The following EVC2 variants were observed in gnomAD, a reference collection of about 807,000 sequenced individuals.
The protein encoded by EVC2 is limbin.
EVC2 carries 148 observed loss-of-function variants against 149.3 expected under a neutral mutation model. The observed-to-expected ratio is 0.99, with a 90% CI of 0.87 to 1.14. EVC2 has a LOEUF of 1.14. EVC2 is among the 50% of genes most tolerant of loss of function. The pLI is 0.00. For missense variants in EVC2, 1,854 were observed against 1,627.3 expected (o/e 1.14, Z -2.40); for synonymous variants, 776 against 649.9 (o/e 1.19, Z -2.95).
chr4:5,579,297 T>C (rs1486376350), intron 17 of EVC2, among the ~76,000 whole-genome samples: 2 of 152,186 alleles, frequency 1.3e-5, no homozygotes, highest in African/African-American at 2.4e-5. Flanking sequence ...TTCCTAAGCC[T>C]CAGCTCTTTC....
chr4:5,691,620 C>A (rs901036693), intron 3 of EVC2, among the ~76,000 whole-genome samples: 1 of 152,144 alleles, frequency 6.6e-6, no homozygotes, highest in African/African-American at 2.4e-5. Flanking sequence ...ACTGACATAC[C>A]AGCAAGGGGG....
chr4:5,618,693 G>C lies in EVC2; in HGVS notation c.2502-11C>G, dbSNP rs748666351. 2 of 1,578,730 alleles carry C rather than the reference G, an allele frequency of 1.3e-6. No homozygotes were observed. The highest frequency in any genetic ancestry group is 2.3e-5 in the South Asian group (2 of 86,404). ...GAGGAGCAGAGCTTCCTGGGAGGAAGAACAGAGACACACTCTTAACACAGA... is the reference window on the plus strand; with the variant it reads ...GAGGAGCAGAGCTTCCTGGGAGGAACAACAGAGACACACTCTTAACACAGA... On this transcript the variant is annotated splice_polypyrimidine_tract_variant and intron_variant, in intron 14 of 21. Coordinates refer to ENST00000344408, the MANE Select transcript of EVC2 (RefSeq NM_147127.5). This position sits in a 1 kb window ranked among gnomAD's most constrained non-coding sequence, Gnocchi z 4.4.
At chr4:5,542,908 C>T in exon 23 of EVC2, 1 of 330,978 alleles carries the variant, frequency 3.0e-6, no homozygotes, top group South Asian at 2.5e-5. Flanking sequence ...GTTCCAGGGC[C>T]ACTGAAAGGA....
intron 7 of EVC2, 61 bp from the exon 8 acceptor site, chr4:5,665,710 C>T: frequency 6.3e-7 from 1 of 1,596,874 alleles, no homozygotes; most frequent in Admixed American, 1.7e-5. Flanking sequence ...TCCCAGGCCT[C>T]ACAGATGATT....
chr4:5,680,819 A>C (rs561007317), intron 7 of EVC2, among the ~76,000 whole-genome samples: 28 of 152,358 alleles, frequency 1.8e-4, no homozygotes, highest in African/African-American at 6.5e-4. Context: ...GTGAGTGAAC[A>C]TGTGAGCTGC....
chr4:5,702,421 C>T (rs1430891853), intron 1 of EVC2, among the ~76,000 whole-genome samples: 2 of 152,190 alleles, frequency 1.3e-5, no homozygotes, highest in Non-Finnish European at 2.9e-5. Flanking sequence ...TAGGACAGAG[C>T]CTGGCATCTA....
In EVC2 at chr4:5,689,030, T is replaced by G. The variant is rs566578685; in HGVS notation, c.706+127A>C. ...TTGATACCCTGATAGTAAGATCCAC[T>G]GTGAGGATTAGGAGAGTGAACATGT... On this transcript the variant is annotated intron_variant, in intron 5 of 21. Transcript: ENST00000344408. 2.3e-5 allele frequency: 23 copies of G among 1,012,302 alleles called. No homozygotes were observed. The South Asian group carries it at 2.6e-4, about 11-fold the overall frequency. The allele number at this position is 1,012,302 out of a possible 1,614,324, so 62.7% of individuals were successfully genotyped here. A position where few individuals can be genotyped will look rare whatever the true frequency, so the allele number is the denominator to read the frequency against.
intron 20 of EVC2, among the ~76,000 whole-genome samples, chr4:5,565,630 G>A (rs917942294): frequency 6.7e-5 from 10 of 148,526 alleles, no homozygotes; most frequent in Non-Finnish European, 1.5e-4. Flanking sequence ...CTGAGATCAC[G>A]CCATTGTACT....
At chr4:5,634,894 G>A (rs1280413616) in intron 10 of EVC2, among the ~76,000 whole-genome samples, 1 of 152,086 alleles carries the variant, frequency 6.6e-6, no homozygotes, top group Non-Finnish European at 1.5e-5. Flanking sequence ...TGCCTGTAGG[G>A]GCAGCCTCCA....
chr4:5,587,424 T>C (rs1712389352), intron 16 of EVC2, among the ~76,000 whole-genome samples: 1 of 152,244 alleles, frequency 6.6e-6, no homozygotes, highest in African/African-American at 2.4e-5. Flanking sequence ...CATCTACTTG[T>C]TGTATCAAAA....
chr4:5,631,568 G>GGA (rs199666307), intron 11 of EVC2, among the ~76,000 whole-genome samples: 2 of 75,574 alleles, frequency 2.6e-5, no homozygotes, highest in Non-Finnish European at 5.2e-5. Flanking sequence ...GCAGTAGACT[G>GGA]GGGGGGGGAA....
At chr4:5,664,424 G>A (rs1437570506) in intron 8 of EVC2, among the ~76,000 whole-genome samples, 1 of 152,178 alleles carries the variant, frequency 6.6e-6, no homozygotes. Flanking sequence ...TTTCCTCTGT[G>A]CAGTTCTTAT....
At chr4:5,581,717 G>A (rs981815498) in intron 17 of EVC2, among the ~76,000 whole-genome samples, 1 of 152,056 alleles carries the variant, frequency 6.6e-6, no homozygotes, top group Non-Finnish European at 1.5e-5. Context: ...ATAGCCAAGA[G>A]AATGGGAAAC....
chr4:5,540,831 A>G (rs940735019), downstream of EVC2, among the ~76,000 whole-genome samples: 1 of 152,208 alleles, frequency 6.6e-6, no homozygotes, highest in Non-Finnish European at 1.5e-5. Context: ...TTATACCTCA[A>G]TACAGTTTTT....
intron 9 of EVC2, among the ~76,000 whole-genome samples, chr4:5,661,007 T>G (rs1718842384): frequency 6.6e-6 from 1 of 152,182 alleles, no homozygotes; most frequent in Admixed American, 6.5e-5. Flanking sequence ...GTGTGCACAT[T>G]TCTAAATGTG....
intron 16 of EVC2, among the ~76,000 whole-genome samples, chr4:5,596,118 T>C (rs1320292095): frequency 2.6e-5 from 4 of 152,106 alleles, no homozygotes; most frequent in Non-Finnish European, 5.9e-5. Context: ...ACAATAACAA[T>C]GGGAGACTTT....
rs1560224758 is a variant in EVC2 at position 5,686,105 on chromosome 4, C to CAT, written c.707-627_707-626insAT. 3.3e-4 allele frequency among the ~76,000 whole-genome samples: 25 copies of CAT among 75,374 alleles called. No homozygotes were observed. The highest frequency in any genetic ancestry group is 1.8e-3 in the African/African-American group (24 of 13,448). 49.4% of individuals were successfully genotyped at this position (75,374 alleles called of 152,430 possible). ...CACACACATATATATTACACACACA[C>CAT]ACACACACACACACACACACACAGA... is the stretch of plus-strand genomic sequence containing the variant. On this transcript the variant is annotated intron_variant, in intron 5 of 21. Transcript: ENST00000344408. The surrounding 1 kb of genome is among the most constrained non-coding windows in gnomAD (Gnocchi z 5.4).
At chr4:5,653,522 T>C (rs1718288155) in intron 9 of EVC2, among the ~76,000 whole-genome samples, 1 of 152,194 alleles carries the variant, frequency 6.6e-6, no homozygotes, top group African/African-American at 2.4e-5. Flanking sequence ...ACTCATGAGC[T>C]GGGACAATGC....
At chr4:5,575,849 A>G (rs541049271) in intron 18 of EVC2, among the ~76,000 whole-genome samples, 4 of 152,340 alleles carry the variant, frequency 2.6e-5, no homozygotes, top group African/African-American at 9.6e-5. Context: ...TGAAATTGCA[A>G]TAAGGCCTGT....
Sources: allele counts gnomAD v4.1 joint callset (sites outside exome capture counted in the v4.1 genomes callset), GRCh38; gene constraint gnomAD v4.1.1; non-coding constraint Gnocchi (gnomAD v3.1); transcripts MANE v1.5; gene names NCBI Gene and HGNC (gene_info 2026-07-23, HGNC 2026-07-21).